Variants in MAZ observed in about 807,000 individuals in gnomAD.
MAZ encodes the protein myc-associated zinc finger protein.
A neutral mutation model predicts 32.7 loss-of-function variants in MAZ; 4 were observed. The observed-to-expected ratio is 0.12, with a 90% confidence interval of 0.06 to 0.28. The LOEUF (loss-of-function observed/expected upper bound fraction) is 0.28, where lower values mean the gene tolerates loss of function less well. Ranked by LOEUF, MAZ falls within the 10% of genes least tolerant of loss-of-function variation. The probability of loss-of-function intolerance (pLI) is 1.00; values close to 1 mark genes in which losing one functional copy is unlikely to be tolerated. For missense variants in MAZ, 763 were observed against 667.2 expected (o/e 1.14, Z -1.58); for synonymous variants, 510 against 297.6 (o/e 1.71, Z -7.35).
intron 3 of MAZ, 134 bp from the exon 4 acceptor site, chr16:29,808,436 A>G: frequency 2.0e-6 from 2 of 993,486 alleles, no homozygotes; most frequent in Non-Finnish European, 1.6e-6. Flanking sequence ...TCAAGGCCTC[A>G]TCATGTCACT....
At chr16:29,809,507 A>ACCCCCG in intron 4 of MAZ, 2 of 811,692 alleles carry the variant, frequency 2.5e-6, no homozygotes, top group Non-Finnish European at 4.1e-6. Context: ...CGCCTGGCTG[A>ACCCCCG]CCCCCGCCCC....
Position 29,807,333 on chromosome 16 carries a change from A to C in MAZ, c.548A>C (p.Lys183Thr), listed in dbSNP as rs574995144. The C allele has an allele frequency of 1.1e-5, 17 of 1,610,628 alleles. No homozygotes were observed. The highest frequency in any genetic ancestry group is 5.3e-5 in the African/African-American group (4 of 74,938). The change falls in exon 2 of 5, where the codon AAG becomes ACG. Residue 183 changes from lysine to threonine, a missense_variant. By Grantham distance (78) the Lys-to-Thr change is moderately conservative (BLOSUM62 -1). Coordinates refer to ENST00000322945, the MANE Select transcript of MAZ (RefSeq NM_002383.4). ...CCGGTCGCGTCTGCCTTGGAGAAGA[A>C]GACAAAGAGCAAGGGGCCCTACATC... ...VAPVASALEK[K>T]TKSKGPYICA...
At position 29,810,350 on chromosome 16, in the gene MAZ, G is replaced by A; in HGVS notation, c.*119G>A. On this transcript the variant is annotated 3_prime_UTR_variant, in exon 5 of 5. Coordinates refer to ENST00000322945, the MANE Select transcript of MAZ (RefSeq NM_002383.4). ...CCTACCAACCAAGGAGCCTCCAGAA[G>A]GAAAGGAGGAAGAAATGTTTTCTTA... is the stretch of plus-strand genomic sequence containing the variant. 2 of 1,029,016 alleles carry A rather than the reference G, an allele frequency of 1.9e-6. No individual in the cohort carries two copies. Among genetic ancestry groups the A allele is most frequent in the Non-Finnish European group, 2.9e-6 (2 of 680,084 alleles). 63.7% of individuals were successfully genotyped at this position (1,029,016 alleles called of 1,614,324 possible).
rs546735865 is a variant in MAZ at position 29,811,005 on chromosome 16, G to C, written c.*774G>C. 4.4e-6 allele frequency: 2 copies of C among 450,556 alleles called. No individual in the cohort carries two copies. Among genetic ancestry groups the C allele is most frequent in the Non-Finnish European group, 8.9e-6 (2 of 224,170 alleles). 27.9% of individuals were successfully genotyped at this position (450,556 alleles called of 1,614,324 possible). Reference sequence around the variant, plus strand: ...TGTCCCCCTCCCCTCTTCCACCCCAGCTCCAGCCCTGGTCTTGTCTTTTCA... The same window carrying C: ...TGTCCCCCTCCCCTCTTCCACCCCACCTCCAGCCCTGGTCTTGTCTTTTCA... On this transcript the variant is annotated 3_prime_UTR_variant, in exon 5 of 5. Coordinates refer to ENST00000322945, the MANE Select transcript of MAZ (RefSeq NM_002383.4).
At chr16:29,809,822 C>G in intron 4 of MAZ, 1 of 1,018,442 alleles carries the variant, frequency 9.8e-7, no homozygotes, top group Non-Finnish European at 1.4e-6. Flanking sequence ...CAACGGGGCT[C>G]AAAGGGCCCA....
rs1327440736 is a variant in MAZ, at chr16:29,806,640, CCCCGCGCGG to C, written c.-54_-46del. 6.2e-6 allele frequency: 6 copies of C among 969,380 alleles called. No individual in the cohort carries two copies. Among genetic ancestry groups the C allele is most frequent in the African/African-American group, 1.8e-5 (1 of 55,156 alleles). 60.0% of individuals were successfully genotyped at this position (969,380 alleles called of 1,614,324 possible). A position where few individuals can be genotyped will look rare whatever the true frequency, so the allele number is the denominator to read the frequency against. On this transcript the variant is annotated 5_prime_UTR_variant, in exon 1 of 5. Coordinates refer to ENST00000322945, the MANE Select transcript of MAZ (RefSeq NM_002383.4). ...CCGGGGGCGGCGCCCCGAGCCCGGG[CCCCGCGCGG>C]CCCGCGCCCCCGGCCCCCGCTGAGC...
intron 2 of MAZ, 108 bp from the exon 3 acceptor site, chr16:29,808,122 C>G (rs1034952522): frequency 1.3e-5 from 15 of 1,114,244 alleles, no homozygotes; most frequent in Non-Finnish European, 1.9e-5. Flanking sequence ...CTGTGACGGC[C>G]TGGGCTCCGG....
Position 29,807,117 on chromosome 16 carries a change from C to T in MAZ, c.332C>T (p.Ala111Val). The change falls in exon 2 of 5, where the codon GCC (alanine) becomes GTC (valine). Residue 111 changes from alanine to valine, a missense_variant. Coordinates refer to ENST00000322945, the MANE Select transcript of MAZ (RefSeq NM_002383.4). ...AAAAAAAAVA[A>V]APPAPAAAST... ...GCCGCCGCTGCTGCCGCCGTCGCTGCCGCGCCCCCGGCCCCTGCCGCCGCC... is the reference window on the plus strand; with the variant it reads ...GCCGCCGCTGCTGCCGCCGTCGCTGTCGCGCCCCCGGCCCCTGCCGCCGCC... 1 of 1,020,160 alleles carries T rather than the reference C, an allele frequency of 9.8e-7. No homozygotes were observed. The highest frequency in any genetic ancestry group is 1.7e-5 in the African/African-American group (1 of 57,816). 63.2% of individuals were successfully genotyped at this position (1,020,160 alleles called of 1,614,324 possible). A position where few individuals can be genotyped will look rare whatever the true frequency, so the allele number is the denominator to read the frequency against.
chr16:29,808,194 A>G (rs778823145), intron 2 of MAZ, 36 bp from the exon 3 acceptor site: 6 of 1,580,316 alleles, frequency 3.8e-6, no homozygotes, highest in Non-Finnish European at 4.3e-6. Context: ...GGGGCGCACC[A>G]CCTCCGCCCT....
At chr16:29,806,280 C>T, upstream of MAZ, 2 of 199,028 alleles carry the variant, frequency 1.0e-5, no homozygotes, top group Non-Finnish European at 1.7e-5. Flanking sequence ...GGTGCGCGCG[C>T]AGCTGTCCCC....
intron 4 of MAZ, chr16:29,809,875 A>G (rs765736478): frequency 1.3e-5 from 13 of 1,035,058 alleles, no homozygotes; most frequent in Non-Finnish European, 1.8e-5. Flanking sequence ...TGTACCACTC[A>G]GGCTAGGGAG....
chr16:29,810,660 T>G lies in MAZ; in HGVS notation c.*429T>G. The G allele has an allele frequency of 3.8e-6, 2 of 530,992 alleles. No homozygotes were observed. The highest frequency in any genetic ancestry group is 3.4e-6 in the Non-Finnish European group (1 of 297,004). 32.9% of individuals were successfully genotyped at this position (530,992 alleles called of 1,614,324 possible). On this transcript the variant is annotated 3_prime_UTR_variant, in exon 5 of 5. Coordinates refer to ENST00000322945, the MANE Select transcript of MAZ (RefSeq NM_002383.4). ...TCCCCGGGGAGTTGGTGCTTTCTTT[T>G]CCTTTTTTTTTTTTTTCCAGGGGGA... is the stretch of plus-strand genomic sequence containing the variant.
chr16:29,809,942 C>T, intron 4 of MAZ, 135 bp from the exon 5 acceptor site: 2 of 1,414,826 alleles, frequency 1.4e-6, no homozygotes, highest in Non-Finnish European at 1.9e-6. Flanking sequence ...AGGATGCAGG[C>T]TGAGGCCTCT....
Position 29,808,722 on chromosome 16 carries a change from C to T in MAZ, c.1260C>T (p.Val420=), listed in dbSNP as rs374491337. ...MKVHSQGPHH[V]CELCNKGTGE... is the part of the protein sequence containing the mutation. ...TGCACAGCCAGGGTCCTCACCATGT[C>T]TGTGAGCTCTGCAACAAAGGTACAT... Residue 420 remains valine (V), a synonymous_variant, in exon 4 of 5, where the codon GTC becomes GTT. Transcript: ENST00000322945. The T allele has an allele frequency of 2.0e-5, 32 of 1,613,852 alleles. No homozygotes were observed. Among genetic ancestry groups the T allele is most frequent in the African/African-American group, 2.7e-5 (2 of 75,054 alleles).
rs554188880 is a variant in MAZ at position 29,808,083 on chromosome 16, C to T, written c.1044-147C>T. The T allele has an allele frequency of 3.6e-5, 35 of 976,416 alleles. No homozygotes were observed. The African/African-American group carries it at 5.2e-4, about 14-fold the overall frequency. The allele number at this position is 976,416 out of a possible 1,614,324, so 60.5% of individuals were successfully genotyped here. A position where few individuals can be genotyped will look rare whatever the true frequency, so the allele number is the denominator to read the frequency against. Reference sequence around the variant, plus strand: ...GGCGGCGGCAGCGGCTGCTGGGCTCCAGGGGAGGGATTTCCTGCTTAAGTG... The same window carrying T: ...GGCGGCGGCAGCGGCTGCTGGGCTCTAGGGGAGGGATTTCCTGCTTAAGTG... On this transcript the variant is annotated intron_variant, in intron 2 of 4. Transcript: ENST00000322945.
Position 29,806,794 on chromosome 16 carries a change from CCCG to C in MAZ, c.96_98del (p.Pro34del). On this transcript the variant is annotated inframe_deletion, in exon 1 of 5. Transcript: ENST00000322945. Reference sequence around the variant, plus strand: ...GGGTGGGCGGCCTCATGAACTCCTTCCCGCCACCTCAGGGTCACGCCCAGAACC... The same window carrying C: ...GGGTGGGCGGCCTCATGAACTCCTTCCCACCTCAGGGTCACGCCCAGAACC... 1.4e-6 allele frequency: 2 copies of C among 1,434,148 alleles called. No homozygotes were observed. Among genetic ancestry groups the C allele is most frequent in the Non-Finnish European group, 1.8e-6 (2 of 1,087,114 alleles). 88.8% of individuals were successfully genotyped at this position (1,434,148 alleles called of 1,614,324 possible).
In MAZ at chr16:29,810,307, C is replaced by G. The variant is rs572999070; in HGVS notation, c.*76C>G. The G allele has an allele frequency of 1.0e-5, 14 of 1,386,202 alleles. No homozygotes were observed. The highest frequency in any genetic ancestry group is 1.3e-5 in the Non-Finnish European group (13 of 1,000,928). The allele number at this position is 1,386,202 out of a possible 1,614,324, so 85.9% of individuals were successfully genotyped here. A position where few individuals can be genotyped will look rare whatever the true frequency, so the allele number is the denominator to read the frequency against. On this transcript the variant is annotated 3_prime_UTR_variant, in exon 5 of 5. Transcript: ENST00000322945. The stretch of plus-strand genomic sequence containing the variant: ...TACAAGCTCCTCTCCCCCCTCTTTT[C>G]CCACCAACTCCTATTTCCCTACCAA...
Position 29,806,824 on chromosome 16 carries a change from C to T in MAZ, c.123C>T (p.Pro41=), listed in dbSNP as rs753767784. ...CACCTCAGGGTCACGCCCAGAACCC[C>T]CTGCAGGTCGGGGCTGAGCTCCAGT... ...FPPPQGHAQN[P]LQVGAELQSR... is the part of the protein sequence containing the mutation. The change falls in exon 1 of 5, where the codon CCC becomes CCT. Residue 41 remains proline (P), a synonymous_variant. Coordinates refer to ENST00000322945, the MANE Select transcript of MAZ (RefSeq NM_002383.4). 3.2e-5 allele frequency: 46 copies of T among 1,448,508 alleles called. No individual in the cohort carries two copies. Among genetic ancestry groups the T allele is most frequent in the African/African-American group, 6.1e-5 (4 of 65,814 alleles). The allele number at this position is 1,448,508 out of a possible 1,614,324, so 89.7% of individuals were successfully genotyped here. A position where few individuals can be genotyped will look rare whatever the true frequency, so the allele number is the denominator to read the frequency against.
At position 29,810,538 on chromosome 16, in the gene MAZ, TA is replaced by T. The variant is rs754944046; in HGVS notation, c.*309del. On this transcript the variant is annotated 3_prime_UTR_variant, in exon 5 of 5. Coordinates refer to ENST00000322945, the MANE Select transcript of MAZ (RefSeq NM_002383.4). ...CTGCCCGTACCCCCTCTCCTCTCTG[TA>T]AGCCCATGCCCTGTCTTCCCAGGGA... is the stretch of plus-strand genomic sequence containing the variant. 2.9e-6 allele frequency: 2 copies of T among 700,908 alleles called. No homozygotes were observed. Among genetic ancestry groups the T allele is most frequent in the Non-Finnish European group, 5.2e-6 (2 of 384,386 alleles). 43.4% of individuals were successfully genotyped at this position (700,908 alleles called of 1,614,324 possible).
Sources: gnomAD v4.1 joint callset for allele counts on GRCh38, gnomAD v4.1.1 for gene constraint, MANE v1.5 for transcripts, NCBI Gene and HGNC (gene_info 2026-07-23, HGNC 2026-07-21) for gene names.